Variants in ABLIM1 observed in about 807,000 individuals in gnomAD.
ABLIM1 encodes actin binding LIM protein 1.
A neutral mutation model predicts 107.0 loss-of-function variants in ABLIM1; 40 were observed. The ratio of observed to expected loss-of-function variants is 0.37; its 90% confidence interval spans 0.29 to 0.49. ABLIM1 has a LOEUF of 0.49. Ranked by LOEUF, ABLIM1 falls within the 20% of genes least tolerant of loss-of-function variation. ABLIM1 has a pLI of 0.97. For synonymous variants in ABLIM1, 357 were observed against 357.3 expected, an observed-to-expected ratio of 1.00 and a Z score of 0.01; for missense variants, 857 against 1,008.5, an observed-to-expected ratio of 0.85 and a Z score of 2.04.
At chr10:114,643,916 A>G (rs2078862226) in intron 1 of ABLIM1, among the ~76,000 whole-genome samples, 1 of 151,970 alleles carries the variant, frequency 6.6e-6, no homozygotes, top group South Asian at 2.1e-4. Flanking sequence ...ATTGTTTCTA[A>G]TTCATTAACA....
rs117658932 is a variant in ABLIM1, at chr10:114,608,350, A to G, written c.245-6389T>C. 1.9e-3 allele frequency among the ~76,000 whole-genome samples: 282 copies of G among 149,286 alleles called. 2 individuals carry two copies. The highest frequency in any genetic ancestry group is 0.013 in the East Asian group (62 of 4,932). ...TTGCACTCCAGCCTGGGAGACAAGAACAAAAGTCTGTCACCAAAATAAATA... is the reference window on the plus strand; with the variant it reads ...TTGCACTCCAGCCTGGGAGACAAGAGCAAAAGTCTGTCACCAAAATAAATA... On this transcript the variant is annotated intron_variant, in intron 1 of 22. Coordinates refer to ENST00000533213, the MANE Select transcript of ABLIM1 (RefSeq NM_002313.7).
chr10:114,546,955 A>AT (rs1457367535), intron 5 of ABLIM1, among the ~76,000 whole-genome samples: 1 of 151,356 alleles, frequency 6.6e-6, no homozygotes, highest in African/African-American at 2.4e-5. Context: ...TTGCTTGCTT[A>AT]TTTATTTATT....
At chr10:114,481,432 TA>T (rs565586144) in intron 8 of ABLIM1, among the ~76,000 whole-genome samples, 145 of 151,598 alleles carry the variant, frequency 9.6e-4, no homozygotes, top group African/African-American at 3.2e-3. Context: ...ACTACTGATA[TA>T]AGGTGACTGA....
chr10:114,453,276 G>A (rs1409751444), intron 13 of ABLIM1, 103 bp downstream of exon 13: 3 of 1,253,364 alleles, frequency 2.4e-6, no homozygotes, highest in South Asian at 1.2e-5. Context: ...TGTTAACTGT[G>A]CATCCCAATT....
At position 114,471,998 on chromosome 10, in the gene ABLIM1, C is replaced by T. The variant is rs562985325; in HGVS notation, c.1275+979G>A. On this transcript the variant is annotated intron_variant, in intron 10 of 22. Transcript: ENST00000533213. ...AGAACCTTCAACCCTGAGATGGGAC[C>T]GGGGAGGGGAGGACCCCAAGGGGCT... Among the ~76,000 whole-genome samples, 91 of 151,850 alleles carry T rather than the reference C, an allele frequency of 6.0e-4. No individual in the cohort carries two copies. In the Middle Eastern group the frequency reaches 0.027, roughly 45 times the overall value.
chr10:114,445,420 G>A lies in ABLIM1; in HGVS notation c.1736-17C>T. 6.2e-7 allele frequency: 1 copy of A among 1,607,632 alleles called. No homozygotes were observed. Among genetic ancestry groups the A allele is most frequent in the South Asian group, 1.1e-5 (1 of 90,934 alleles). Reference sequence around the variant, plus strand: ...TGTCAGGTCCTAATTCCACAGCAAAGACAACTTCTCACATCAGCCCCAAGA... The same window carrying A: ...TGTCAGGTCCTAATTCCACAGCAAAAACAACTTCTCACATCAGCCCCAAGA... On this transcript the variant is annotated splice_polypyrimidine_tract_variant and intron_variant, in intron 15 of 22. Transcript: ENST00000533213.
chr10:114,632,408 T>G (rs1160652676), intron 1 of ABLIM1: 2 of 985,318 alleles, frequency 2.0e-6, no homozygotes, highest in Non-Finnish European at 1.2e-6. Context: ...AATGGTTAGC[T>G]TATTGGCTCC....
intron 1 of ABLIM1, among the ~76,000 whole-genome samples, chr10:114,695,909 A>G (rs1591838756): frequency 6.6e-6 from 1 of 152,206 alleles, no homozygotes; most frequent in Non-Finnish European, 1.5e-5. Flanking sequence ...TCTTATTGCC[A>G]TCGCCCCATC....
chr10:114,690,523 C>A, intron 1 of ABLIM1: 1 of 1,424,286 alleles, frequency 7.0e-7, no homozygotes, highest in Non-Finnish European at 9.9e-7. Context: ...TCTCCCATGC[C>A]CAGAACACGA....
chr10:114,524,053 T>C (rs1365334764), intron 6 of ABLIM1, among the ~76,000 whole-genome samples: 2 of 152,196 alleles, frequency 1.3e-5, no homozygotes, highest in Non-Finnish European at 2.9e-5. Context: ...CTGATAACAT[T>C]ATGGGCCAGT....
At chr10:114,712,128 G>A (rs1391781902) in intron 1 of ABLIM1, among the ~76,000 whole-genome samples, 1 of 152,040 alleles carries the variant, frequency 6.6e-6, no homozygotes, top group African/African-American at 2.4e-5. Context: ...CAAGGTGGTT[G>A]GATCATTTGA....
chr10:114,452,228 A>T (rs1265261736), intron 13 of ABLIM1, among the ~76,000 whole-genome samples: 1 of 152,214 alleles, frequency 6.6e-6, no homozygotes, highest in Non-Finnish European at 1.5e-5. Context: ...TACAGGCCAA[A>T]TTTTTTAAAA....
At chr10:114,799,246 G>A in the ABLIM1 span, among the ~76,000 whole-genome samples, 1 of 152,172 alleles carries the variant, frequency 6.6e-6, no homozygotes, top group Admixed American at 6.5e-5. Context: ...GTACCTCTGG[G>A]TCATTCCTTG....
intron 1 of ABLIM1, among the ~76,000 whole-genome samples, chr10:114,748,328 G>A (rs796182389): frequency 4.6e-5 from 7 of 152,144 alleles, no homozygotes; most frequent in African/African-American, 1.7e-4. Context: ...TCTGCGGTTG[G>A]CCAGCTTATA....
At chr10:114,634,129 C>CTTTTTCT (rs2078342365) in intron 1 of ABLIM1, among the ~76,000 whole-genome samples, 1 of 68,298 alleles carries the variant, frequency 1.5e-5, no homozygotes, top group Admixed American at 2.0e-4. Context: ...CTCAATTTTT[C>CTTTTTCT]TTTTTTTTTT....
chr10:114,634,314 A>G (rs2078366358), intron 1 of ABLIM1, among the ~76,000 whole-genome samples: 1 of 148,830 alleles, frequency 6.7e-6, no homozygotes, highest in African/African-American at 2.5e-5. Context: ...TTGTATTTTT[A>G]GTAGAGACGG....
rs2072386562 is a variant in ABLIM1, at chr10:114,575,423, T to C, written c.556A>G (p.Ile186Val). 6.2e-7 allele frequency: 1 copy of C among 1,613,606 alleles called. No homozygotes were observed. Among genetic ancestry groups the C allele is most frequent in the African/African-American group, 1.3e-5 (1 of 74,910 alleles). Reference sequence around the variant, plus strand: ...AAAGATAGGCTCACTTACTTGCAGATAGTACAAGCAAAGCAATTGGGATGG... The same window carrying C: ...AAAGATAGGCTCACTTACTTGCAGACAGTACAAGCAAAGCAATTGGGATGG... Reference protein sequence around the residue: ...TYHPNCFACTICKRPFPPGDR... With the variant: ...TYHPNCFACTVCKRPFPPGDR... Residue 186 changes from isoleucine to valine, a missense_variant, in exon 3 of 23, where the codon ATC becomes GTC. Physicochemically the swap from Ile to Val is conservative, Grantham distance 29. Coordinates refer to ENST00000533213, the MANE Select transcript of ABLIM1 (RefSeq NM_002313.7).
intron 1 of ABLIM1, among the ~76,000 whole-genome samples, chr10:114,743,137 C>T (rs185970421): frequency 1.1e-4 from 16 of 152,120 alleles, no homozygotes; most frequent in South Asian, 8.3e-4. Context: ...AGCATTAATA[C>T]GGTTAAAGCA....
At chr10:114,570,969 T>C (rs72829111) in intron 4 of ABLIM1, among the ~76,000 whole-genome samples, 1,810 of 152,268 alleles carry the variant, frequency 0.012, 20 homozygotes, top group Non-Finnish European at 0.018. Flanking sequence ...AGAATCTACA[T>C]TCCTACCAAC....
Sources: gnomAD v4.1 joint callset for allele counts (sites outside exome capture counted in the v4.1 genomes callset) on GRCh38, gnomAD v4.1.1 for gene constraint, MANE v1.5 for transcripts, NCBI Gene and HGNC (gene_info 2026-07-23, HGNC 2026-07-21) for gene names.